TNRC6B: variants seen among roughly 807,000 people sequenced by gnomAD.
The protein encoded by TNRC6B is trinucleotide repeat containing adaptor 6B.
Under a neutral mutation model 203.6 loss-of-function variants are expected in TNRC6B, and 52 were observed. The observed-to-expected ratio is 0.26, with a 90% CI of 0.20 to 0.32. The LOEUF (loss-of-function observed/expected upper bound fraction) is 0.32, where lower values mean the gene tolerates loss of function less well. Ranked by LOEUF, TNRC6B falls within the 10% of genes least tolerant of loss-of-function variation. The pLI is 1.00. For missense variants in TNRC6B, 1,923 were observed against 2,286.2 expected (o/e 0.84, Z 3.24); for synonymous variants, 838 against 845.7 (o/e 0.99, Z 0.16).
intron 4 of TNRC6B, among the ~76,000 whole-genome samples, chr22:40,171,311 G>A (rs2068995969): frequency 6.6e-6 from 1 of 151,738 alleles, no homozygotes; most frequent in African/African-American, 2.4e-5. Flanking sequence ...GTAGGTGCAT[G>A]CTACCACACC....
intron 1 of TNRC6B, among the ~76,000 whole-genome samples, chr22:40,072,658 G>T (rs2067961337): frequency 6.6e-6 from 1 of 152,126 alleles, no homozygotes; most frequent in Admixed American, 6.6e-5. Context: ...GAGGTCAGGA[G>T]TTTGAGACCA....
chr22:40,318,940 G>A (rs1267417474), intron 21 of TNRC6B, among the ~76,000 whole-genome samples: 1 of 152,140 alleles, frequency 6.6e-6, no homozygotes, highest in Non-Finnish European at 1.5e-5. Context: ...GTATGGTGGT[G>A]GGTGTCTGTA....
chr22:40,118,280 A>G (rs1212455759), intron 2 of TNRC6B, among the ~76,000 whole-genome samples: 1 of 152,194 alleles, frequency 6.6e-6, no homozygotes, highest in Non-Finnish European at 1.5e-5. Flanking sequence ...CCTCCAGTTC[A>G]GCCTCAGTAG....
intron 3 of TNRC6B, among the ~76,000 whole-genome samples, chr22:40,148,057 G>A (rs975127989): frequency 1.3e-5 from 2 of 152,072 alleles, no homozygotes; most frequent in African/African-American, 4.8e-5. Flanking sequence ...TCAATAAAAC[G>A]ATTTTTTAAA....
chr22:40,271,720 C>T (rs1056983769), intron 6 of TNRC6B, among the ~76,000 whole-genome samples: 2 of 152,190 alleles, frequency 1.3e-5, no homozygotes, highest in African/African-American at 4.8e-5. Flanking sequence ...GATCACCTCT[C>T]TTCTATCACA....
At chr22:40,235,472 G>A (rs555040883) in intron 1 of TNRC6B, among the ~76,000 whole-genome samples, 88 of 152,320 alleles carry the variant, frequency 5.8e-4, no homozygotes, top group Non-Finnish European at 1.1e-3. Context: ...TGGGTGCCCT[G>A]TGTGTCCTCT....
intron 3 of TNRC6B, among the ~76,000 whole-genome samples, chr22:40,134,433 T>C (rs993480514): frequency 2.0e-5 from 3 of 152,162 alleles, no homozygotes; most frequent in Non-Finnish European, 4.4e-5. Flanking sequence ...GAGAAAAATC[T>C]GAGGAACTGT....
intron 1 of TNRC6B, among the ~76,000 whole-genome samples, chr22:40,232,378 A>G (rs1243660032): frequency 6.6e-6 from 1 of 152,210 alleles, no homozygotes; most frequent in East Asian, 1.9e-4. Flanking sequence ...TGAAGGAACT[A>G]AAAGTGTTTC....
At chr22:40,319,528 C>G (rs574436655) in intron 21 of TNRC6B, among the ~76,000 whole-genome samples, 1 of 150,060 alleles carries the variant, frequency 6.7e-6, no homozygotes. Flanking sequence ...CGGGTTAATG[C>G]GGTTCTCATG....
In TNRC6B at chr22:40,270,171, G is replaced by A; in HGVS notation, c.2856G>A (p.Trp952Ter). 6.3e-7 allele frequency: 1 copy of A among 1,582,912 alleles called. No homozygotes were observed. Among genetic ancestry groups the A allele is most frequent in the Non-Finnish European group, 8.6e-7 (1 of 1,163,756 alleles). The change falls in exon 6 of 23, where the codon TGG becomes TGA. Residue 952 changes from tryptophan to a stop codon, truncating the protein, a stop_gained. Transcript: ENST00000454349. LOFTEE classifies it high-confidence loss of function. Reference protein sequence around the residue: ...PPAPDNGTSAWGEPNESSPGW... With the variant: ...PPAPDNGTSA ...CTCCAGATAATGGTACTTCCGCTTG[G>A]GGTGAGCCAAATGAAAGCAGTCCTG... is the stretch of plus-strand genomic sequence containing the variant.
chr22:40,150,910 C>T (rs1394350513), intron 3 of TNRC6B, among the ~76,000 whole-genome samples: 2 of 152,130 alleles, frequency 1.3e-5, no homozygotes, highest in East Asian at 3.8e-4. Flanking sequence ...AGAAAGCTAA[C>T]CCCTGGATAA....
chr22:40,209,148 C>T (rs2146418651), intron 1 of TNRC6B, among the ~76,000 whole-genome samples: 2 of 152,226 alleles, frequency 1.3e-5, no homozygotes, highest in East Asian at 1.9e-4. Context: ...GCATGTCAGC[C>T]ATTTAATTTT....
At chr22:40,318,996 C>A (rs1171402485) in intron 21 of TNRC6B, among the ~76,000 whole-genome samples, 2 of 151,784 alleles carry the variant, frequency 1.3e-5, no homozygotes, top group Admixed American at 1.3e-4. Flanking sequence ...CGCTTGAACC[C>A]GGGGGTGAAG....
chr22:40,180,381 A>G (rs911134960), intron 1 of TNRC6B, among the ~76,000 whole-genome samples: 6 of 152,214 alleles, frequency 3.9e-5, no homozygotes, highest in Non-Finnish European at 8.8e-5. Context: ...TTCAGTTTGC[A>G]GAGAGGAGGA....
At chr22:40,264,214 G>A (rs1174234898) in intron 4 of TNRC6B, among the ~76,000 whole-genome samples, 1 of 152,186 alleles carries the variant, frequency 6.6e-6, no homozygotes, top group Admixed American at 6.6e-5. Flanking sequence ...TAGAAAAGTT[G>A]GTTGGTCCCA....
At chr22:40,303,962 A>C (rs765599854) in intron 15 of TNRC6B, among the ~76,000 whole-genome samples, 12 of 152,200 alleles carry the variant, frequency 7.9e-5, no homozygotes, top group Non-Finnish European at 1.3e-4. Context: ...TGAATTGAAG[A>C]ATACATTTTA....
Position 40,265,564 on chromosome 22 carries a change from A to G in TNRC6B, c.1334A>G (p.Asn445Ser). 6.2e-7 allele frequency: 1 copy of G among 1,613,880 alleles called. No individual in the cohort carries two copies. Among genetic ancestry groups the G allele is most frequent in the Non-Finnish European group, 8.5e-7 (1 of 1,179,836 alleles). The change falls in exon 5 of 23, where the codon AAC becomes AGC. Residue 445 changes from asparagine to serine, a missense_variant. By Grantham distance (46) the Asn-to-Ser change is conservative (BLOSUM62 1). This residue lies in a region of TNRC6B where 614 missense variants were observed against 587.7 expected (regional missense o/e 1.04). Coordinates refer to ENST00000454349, the MANE Select transcript of TNRC6B (RefSeq NM_001162501.2). ...DTVSGQSNSG[N>S]NGNNGKERED... ...GTCTCTGGACAAAGCAATTCTGGAA[A>G]CAATGGGAACAATGGAAAAGAGAGA...
Position 40,185,400 on chromosome 22 carries a change from A to G in TNRC6B, c.5+7260A>G, listed in dbSNP as rs180860177. Among the ~76,000 whole-genome samples, 158 of 152,330 alleles carry G rather than the reference A, an allele frequency of 1.0e-3. 1 individual carries two copies. The highest frequency in any genetic ancestry group is 3.6e-3 in the African/African-American group (150 of 41,566). On this transcript the variant is annotated intron_variant, in intron 1 of 22. Transcript: ENST00000454349. ...TATTAAGGGAATACTGTACTATTTT[A>G]TAAAGATAAGGCCATATACTCTCAT...
chr22:40,053,713 G>A lies in TNRC6B; in HGVS notation c.-121+8715G>A, dbSNP rs551604216. 6.6e-5 allele frequency among the ~76,000 whole-genome samples: 10 copies of A among 152,304 alleles called. No individual in the cohort carries two copies. In the South Asian group the frequency reaches 1.4e-3, roughly 22 times the overall value. ...TCTGTCATATCGTAGACACTCAAAT[G>A]TTTGTTAAATAAATAACTTGAAGTA... is the stretch of plus-strand genomic sequence containing the variant. On this transcript the variant is annotated intron_variant, in intron 1 of 23. Transcript: ENST00000301923.
Sources: gnomAD v4.1 joint callset for allele counts (sites outside exome capture counted in the v4.1 genomes callset) on GRCh38, gnomAD v4.1.1 for gene constraint, gnomAD v4.1.1 regional missense constraint, MANE v1.5 for transcripts, NCBI Gene and HGNC (gene_info 2026-07-23, HGNC 2026-07-21) for gene names.